Variants in AGBL1 observed in about 807,000 individuals in gnomAD.
The protein encoded by AGBL1 is cytosolic carboxypeptidase 4.
In AGBL1, 130 loss-of-function variants were observed where a neutral mutation model predicts 118.9. The observed-to-expected ratio is 1.09, with a 90% CI of 0.95 to 1.26. AGBL1 has a LOEUF of 1.26. AGBL1 is among the 50% of genes most tolerant of loss of function. AGBL1 has a pLI of 0.00. For missense variants in AGBL1, 1,584 were observed against 1,298.1 expected, an observed-to-expected ratio of 1.22 and a Z score of -3.38; for synonymous variants, 555 against 478.9, an observed-to-expected ratio of 1.16 and a Z score of -2.08.
chr15:86,857,110 G>A (rs975183173), intron 22 of AGBL1, among the ~76,000 whole-genome samples: 1 of 152,146 alleles, frequency 6.6e-6, no homozygotes, highest in East Asian at 1.9e-4. Context: ...ATTTCTGTAC[G>A]TTTTATGTGC....
At chr15:86,601,634 TAAG>T (rs769979932) in intron 21 of AGBL1, among the ~76,000 whole-genome samples, 1 of 152,138 alleles carries the variant, frequency 6.6e-6, no homozygotes, top group Non-Finnish European at 1.5e-5. Flanking sequence ...AATTAAGACT[TAAG>T]AAGAAGGCAC....
Position 86,615,264 on chromosome 15 carries a change from G to C in AGBL1, c.2995-59009G>C, listed in dbSNP as rs1286255243. ...TAGAGGGCCAGGGAGACTAAAAACA[G>C]ACTATTGACTAAAAACCAGCCTAGG... On this transcript the variant is annotated intron_variant, in intron 21 of 22. Transcript: ENST00000614907. The surrounding 1 kb of genome is among the most constrained non-coding windows in gnomAD (Gnocchi z 4.3). Among the ~76,000 whole-genome samples, 1 of 152,138 alleles carries C rather than the reference G, an allele frequency of 6.6e-6. No homozygotes were observed. Among genetic ancestry groups the C allele is most frequent in the Non-Finnish European group, 1.5e-5 (1 of 68,020 alleles).
At chr15:86,471,506 T>C (rs981028723) in intron 18 of AGBL1, among the ~76,000 whole-genome samples, 2 of 151,968 alleles carry the variant, frequency 1.3e-5, no homozygotes, top group East Asian at 3.9e-4. Flanking sequence ...TAGTTTTTTT[T>C]TTTTTTTTTA....
intron 1 of AGBL1, among the ~76,000 whole-genome samples, chr15:86,091,454 C>T (rs1896019166): frequency 6.6e-6 from 1 of 152,212 alleles, no homozygotes; most frequent in African/African-American, 2.4e-5. Flanking sequence ...TCAGAACACT[C>T]AGCAGCTGTA....
chr15:86,271,850 C>T lies in AGBL1; in HGVS notation c.2075+144C>T, dbSNP rs114570894. Reference sequence around the variant, plus strand: ...TCACTCTGTCCTAATGGCCAGTGTCCGGCCCTTCAGAGATATAAGCATATT... The same window carrying T: ...TCACTCTGTCCTAATGGCCAGTGTCTGGCCCTTCAGAGATATAAGCATATT... On this transcript the variant is annotated intron_variant, in intron 15 of 22. Transcript: ENST00000614907. 3.7e-4 allele frequency: 274 copies of T among 742,474 alleles called. 3 individuals are homozygous for T. Among genetic ancestry groups the T allele is most frequent in the South Asian group, 3.5e-3 (202 of 58,258 alleles). 46.0% of individuals were successfully genotyped at this position (742,474 alleles called of 1,614,324 possible). A position where few individuals can be genotyped will look rare whatever the true frequency, so the allele number is the denominator to read the frequency against.
At chr15:86,794,331 G>C (rs1365638364) in intron 22 of AGBL1, among the ~76,000 whole-genome samples, 1 of 152,158 alleles carries the variant, frequency 6.6e-6, no homozygotes, top group East Asian at 1.9e-4. Context: ...ATTATGCTAA[G>C]TGAAAGAAGC....
chr15:86,820,618 A>T (rs1345959927), intron 22 of AGBL1, among the ~76,000 whole-genome samples: 2 of 152,230 alleles, frequency 1.3e-5, no homozygotes, highest in Non-Finnish European at 2.9e-5. Context: ...ATGTAAATCA[A>T]AACCACAGTG....
intron 22 of AGBL1, among the ~76,000 whole-genome samples, chr15:86,739,021 T>G (rs2077640395): frequency 6.6e-6 from 1 of 151,984 alleles, no homozygotes; most frequent in African/African-American, 2.4e-5. Context: ...TGGTGCATGC[T>G]TGTAGTCACA....
At chr15:86,550,294 A>G (rs1180566471) in intron 20 of AGBL1, among the ~76,000 whole-genome samples, 1 of 152,192 alleles carries the variant, frequency 6.6e-6, no homozygotes, top group Non-Finnish European at 1.5e-5. Flanking sequence ...CAATGATGTC[A>G]TTAAATATGA....
chr15:86,130,170 G>T (rs899259219), intron 1 of AGBL1, among the ~76,000 whole-genome samples: 1 of 152,056 alleles, frequency 6.6e-6, no homozygotes, highest in African/African-American at 2.4e-5. Context: ...GAAGAGCTTC[G>T]TGCCCTACCT....
chr15:86,274,990 C>T (rs2079223763), intron 15 of AGBL1, among the ~76,000 whole-genome samples: 1 of 152,098 alleles, frequency 6.6e-6, no homozygotes, highest in African/African-American at 2.4e-5. Context: ...AAAAAATGCC[C>T]CTCGAGAGGG....
intron 22 of AGBL1, among the ~76,000 whole-genome samples, chr15:86,712,425 C>T (rs2142692233): frequency 6.6e-6 from 1 of 151,584 alleles, no homozygotes; most frequent in South Asian, 2.1e-4. Flanking sequence ...CCAGCTAGAA[C>T]CATTTCACAG....
intron 22 of AGBL1, among the ~76,000 whole-genome samples, chr15:86,745,489 A>G (rs181360069): frequency 6.6e-6 from 1 of 152,168 alleles, no homozygotes; most frequent in East Asian, 1.9e-4. Context: ...AGAACTGGGA[A>G]CTACTGCCCA....
intron 22 of AGBL1, among the ~76,000 whole-genome samples, chr15:86,816,774 G>A (rs1454727223): frequency 6.6e-6 from 1 of 152,060 alleles, no homozygotes. Flanking sequence ...GAGGTAAGTG[G>A]GTGTAAATGA....
chr15:86,950,106 C>G (rs935732625), intron 23 of AGBL1, among the ~76,000 whole-genome samples: 1 of 151,624 alleles, frequency 6.6e-6, no homozygotes, highest in South Asian at 2.1e-4. Context: ...CAAAAAATGC[C>G]CTATCAAAAT....
At chr15:87,017,707 C>A (rs1203590037) in intron 24 of AGBL1, among the ~76,000 whole-genome samples, 1 of 152,164 alleles carries the variant, frequency 6.6e-6, no homozygotes, top group East Asian at 1.9e-4. Context: ...AACACAAAAA[C>A]CCTGAAAACC....
rs74334816 is a variant in AGBL1 at position 87,023,302 on chromosome 15, C to T, written c.3324-5523C>T. ...GGTGAAAAAAGAGACATCATGCAAA[C>T]GGACAGCAAAAGTGAGCAGGAGTAG... On this transcript the variant is annotated intron_variant, in intron 24 of 24. Transcript: ENST00000441037. Among the ~76,000 whole-genome samples, 754 of 151,968 alleles carry T rather than the reference C, an allele frequency of 5.0e-3. 2 individuals carry two copies. Among genetic ancestry groups the T allele is most frequent in the African/African-American group, 0.016 (675 of 41,496 alleles).
chr15:86,397,422 A>G lies in AGBL1; in HGVS notation c.2431A>G (p.Ser811Gly). The part of the protein sequence containing the change: ...ARVHPGESNA[S>G]WVMKGTLEFL... The stretch of plus-strand genomic sequence containing the variant: ...AGTTCATCCAGGAGAGAGCAATGCC[A>G]GTTGGGTGATGAAGGGTACCTTGGA... The change falls in exon 18 of 23, where the codon AGT (serine) becomes GGT (glycine). Residue 811 changes from serine to glycine, a missense_variant. Physicochemically the swap from Ser to Gly is moderately conservative, Grantham distance 56. Coordinates refer to ENST00000614907, the MANE Select transcript of AGBL1 (RefSeq NM_001386094.1). 2.5e-6 allele frequency: 4 copies of G among 1,613,158 alleles called. No homozygotes were observed. The highest frequency in any genetic ancestry group is 3.4e-6 in the Non-Finnish European group (4 of 1,179,368).
At chr15:86,768,309 T>G (rs56204370) in intron 22 of AGBL1, among the ~76,000 whole-genome samples, 5,623 of 152,022 alleles carry the variant, frequency 0.037, 380 homozygotes, top group African/African-American at 0.13. Flanking sequence ...TAACATAATA[T>G]AACGTAATGT....
Sources: allele counts gnomAD v4.1 joint callset (sites outside exome capture counted in the v4.1 genomes callset), GRCh38; gene constraint gnomAD v4.1.1; non-coding constraint Gnocchi (gnomAD v3.1); transcripts MANE v1.5; gene names NCBI Gene and HGNC (gene_info 2026-07-23, HGNC 2026-07-21).